The following ATR variants were observed in gnomAD, a reference collection of about 807,000 sequenced individuals.
ATR encodes ATR checkpoint kinase.
ATR carries 142 observed loss-of-function variants against 305.3 expected under a neutral mutation model. The observed-to-expected ratio is 0.47, with a 90% CI of 0.41 to 0.53. ATR has a LOEUF of 0.53. ATR is among the 20% of genes least tolerant of loss of function. The pLI is 0.00. For missense variants in ATR, 2,135 were observed against 3,133.1 expected (o/e 0.68, Z 7.60); for synonymous variants, 1,050 against 1,068.1 (o/e 0.98, Z 0.33).
chr3:142,519,646 A>C, intron 24 of ATR, 23 bp downstream of exon 24: 1 of 1,560,904 alleles, frequency 6.4e-7, no homozygotes, highest in Non-Finnish European at 8.8e-7. Context: ...TTTTATGAAA[A>C]TACATTAAAT....
At chr3:142,450,709 T>C (rs2070768786) in intron 46 of ATR, 1 of 1,580,382 alleles carries the variant, frequency 6.3e-7, no homozygotes, top group African/African-American at 1.3e-5. Flanking sequence ...AAAAACACAT[T>C]ACATGAAAGA....
At chr3:142,545,997 C>T (rs1354009296) in intron 16 of ATR, among the ~76,000 whole-genome samples, 2 of 152,116 alleles carry the variant, frequency 1.3e-5, no homozygotes, top group African/African-American at 4.8e-5. Context: ...TATCTGTTTG[C>T]CATCTTCTGT....
intron 19 of ATR, among the ~76,000 whole-genome samples, chr3:142,537,256 A>C (rs2033894459): frequency 6.7e-6 from 1 of 149,646 alleles, no homozygotes; most frequent in South Asian, 2.1e-4. Flanking sequence ...TTTTTTTTTA[A>C]ATGTTTCTGT....
At chr3:142,480,249 G>A (rs536413321) in intron 36 of ATR, among the ~76,000 whole-genome samples, 5 of 152,254 alleles carry the variant, frequency 3.3e-5, no homozygotes, top group African/African-American at 7.2e-5. Context: ...TGATAGTGAC[G>A]TACAGATGCG....
At chr3:142,472,559 T>G (rs2071312777) in intron 36 of ATR, among the ~76,000 whole-genome samples, 1 of 152,212 alleles carries the variant, frequency 6.6e-6, no homozygotes, top group Admixed American at 6.5e-5. Flanking sequence ...TTGGTCATTT[T>G]TATGTCTTCT....
intron 4 of ATR, 87 bp from the exon 5 acceptor site, chr3:142,561,508 A>G (rs2034878197): frequency 2.2e-6 from 3 of 1,383,942 alleles, no homozygotes; most frequent in Non-Finnish European, 3.0e-6. Context: ...ATTAGATGTT[A>G]GGTGTTTTCT....
chr3:142,544,324 C>A (rs2034177416), intron 16 of ATR, among the ~76,000 whole-genome samples: 1 of 151,076 alleles, frequency 6.6e-6, no homozygotes. Flanking sequence ...TGGTGGCATG[C>A]ACCTGTGGTC....
At chr3:142,554,995 G>T (rs190962095) in intron 10 of ATR, among the ~76,000 whole-genome samples, 4 of 151,782 alleles carry the variant, frequency 2.6e-5, no homozygotes, top group South Asian at 2.1e-4. Flanking sequence ...CAGCACTTTG[G>T]GGGGACAGAG....
At chr3:142,472,384 A>G (rs2071306634) in intron 36 of ATR, 1 of 151,802 alleles carries the variant, frequency 6.6e-6, no homozygotes, top group Admixed American at 6.6e-5. Context: ...CCTTCCCACC[A>G]ACAGTGTATA....
intron 36 of ATR, among the ~76,000 whole-genome samples, chr3:142,475,471 C>T (rs1399723058): frequency 1.3e-5 from 2 of 152,170 alleles, no homozygotes; most frequent in African/African-American, 4.8e-5. Context: ...GGTATATGTG[C>T]CACATTTTCT....
At chr3:142,496,622 GT>G in intron 33 of ATR, 102 bp from the exon 34 acceptor site, 1 of 1,275,710 alleles carries the variant, frequency 7.8e-7, no homozygotes, top group Middle Eastern at 2.7e-4. Context: ...TTTGCAAGTA[GT>G]TCCAATGTTT....
At chr3:142,462,624 A>T (rs1346351307) in intron 41 of ATR, among the ~76,000 whole-genome samples, 4 of 151,950 alleles carry the variant, frequency 2.6e-5, no homozygotes, top group African/African-American at 9.7e-5. Context: ...GCCTGCCACC[A>T]CGCCCAGCTA....
intron 22 of ATR, among the ~76,000 whole-genome samples, chr3:142,523,142 C>A (rs1352952319): frequency 6.6e-6 from 1 of 152,110 alleles, no homozygotes; most frequent in Admixed American, 6.5e-5. Flanking sequence ...AAAATGTAGG[C>A]CAGGCATGGT....
At chr3:142,552,286 G>C (rs2034498845) in intron 13 of ATR, among the ~76,000 whole-genome samples, 1 of 151,926 alleles carries the variant, frequency 6.6e-6, no homozygotes, top group South Asian at 2.1e-4. Flanking sequence ...TCCCACTACT[G>C]GGTATATACC....
rs549989815 is a variant in ATR, at chr3:142,535,031, C to G, written c.3945+49G>C. On this transcript the variant is annotated intron_variant, in intron 21 of 46. Coordinates refer to ENST00000350721, the MANE Select transcript of ATR (RefSeq NM_001184.4). ...TCATTTTGTCATCTTTTCTTTAAGC[C>G]TCCAATCTTTCTTTGTTATACATTT... is the stretch of plus-strand genomic sequence containing the variant. The G allele has an allele frequency of 3.0e-5, 46 of 1,555,388 alleles. No individual in the cohort carries two copies. The East Asian group carries it at 9.4e-4, about 32-fold the overall frequency.
chr3:142,450,706 C>T (rs1361142868), intron 46 of ATR: 2 of 1,583,206 alleles, frequency 1.3e-6, no homozygotes, highest in African/African-American at 1.3e-5. Flanking sequence ...AACAAAAACA[C>T]ATTACATGAA....
chr3:142,545,388 G>A (rs113324037), intron 16 of ATR, among the ~76,000 whole-genome samples: 1,895 of 152,196 alleles, frequency 0.012, 45 homozygotes, highest in African/African-American at 0.042. Context: ...ACCATCCAGG[G>A]CCTAGGTCTC....
At chr3:142,522,385 T>C (rs1384523501) in intron 23 of ATR, among the ~76,000 whole-genome samples, 2 of 152,200 alleles carry the variant, frequency 1.3e-5, no homozygotes, top group African/African-American at 4.8e-5. Flanking sequence ...CTCTGAGTTA[T>C]GCTTGTACAT....
intron 15 of ATR, among the ~76,000 whole-genome samples, chr3:142,548,970 T>C (rs1330760485): frequency 2.6e-5 from 4 of 152,208 alleles, no homozygotes; most frequent in African/African-American, 9.7e-5. Flanking sequence ...ATATTTCTCA[T>C]AGTTTTCCTG....
Sources: allele counts gnomAD v4.1 joint callset (sites outside exome capture counted in the v4.1 genomes callset), GRCh38; gene constraint gnomAD v4.1.1; transcripts MANE v1.5; gene names NCBI Gene and HGNC (gene_info 2026-07-23, HGNC 2026-07-21).